The following VAC14 variants were observed in gnomAD, a reference collection of about 807,000 sequenced individuals.
VAC14 encodes the protein VAC14 component of PIKFYVE complex.
VAC14 carries 47 observed loss-of-function variants against 85.3 expected under a neutral mutation model. That is an observed-to-expected ratio of 0.55 (90% CI 0.44 to 0.70). VAC14 has a LOEUF of 0.70. Among genes scored for constraint, VAC14 ranks in the 30% least tolerant of loss-of-function variants. The probability of loss-of-function intolerance (pLI) is 0.00; values close to 1 mark genes in which losing one functional copy is unlikely to be tolerated. For synonymous variants in VAC14, 447 were observed against 430.5 expected, an observed-to-expected ratio of 1.04 and a Z score of -0.47; for missense variants, 861 against 1,004.3, an observed-to-expected ratio of 0.86 and a Z score of 1.93.
intron 18 of VAC14, chr16:70,689,661 T>G: frequency 1.0e-6 from 1 of 985,686 alleles, no homozygotes; most frequent in Non-Finnish European, 1.2e-6. Context: ...CGGCTGCGGC[T>G]GCTGCTTTTC....
intron 12 of VAC14, chr16:70,755,336 G>A (rs1005302982): frequency 4.6e-6 from 1 of 216,898 alleles, no homozygotes; most frequent in South Asian, 4.8e-5. Flanking sequence ...AGAGGGAGAA[G>A]GTGCATTTAG....
chr16:70,691,781 C>T (rs1247729967), intron 18 of VAC14: 7 of 985,306 alleles, frequency 7.1e-6, no homozygotes, highest in African/African-American at 3.5e-5. Flanking sequence ...ACTCAGCCAT[C>T]CGAGGGCCAG....
intron 10 of VAC14, chr16:70,771,228 GAAGAGAATTAT>G (rs2033195330): frequency 6.6e-6 from 1 of 152,250 alleles, no homozygotes; most frequent in East Asian, 1.9e-4. Context: ...GAGCCCCAAG[GAAGAGAATTAT>G]TTTGCTGCCT....
rs540078340 is a variant in VAC14, at chr16:70,693,033, C to T, written c.2036-62G>A. The T allele has an allele frequency of 4.5e-5, 70 of 1,557,054 alleles. 1 individual carries two copies. The highest frequency in any genetic ancestry group is 3.4e-5 in the Non-Finnish European group (39 of 1,149,924). ...ACTGCTCTGGGACACGCCCAGCCCACACTGCCTGCCTCCGACTGGCCAGGA... is the reference window on the plus strand; with the variant it reads ...ACTGCTCTGGGACACGCCCAGCCCATACTGCCTGCCTCCGACTGGCCAGGA... On this transcript the variant is annotated intron_variant, in intron 17 of 18. Coordinates refer to ENST00000261776, the MANE Select transcript of VAC14 (RefSeq NM_018052.5).
chr16:70,716,684 G>C (rs2054173739), intron 14 of VAC14: 1 of 152,266 alleles, frequency 6.6e-6, no homozygotes. Context: ...TGGAGACAGG[G>C]CCCCAAGCGG....
chr16:70,761,295 C>A (rs2032363756), intron 12 of VAC14: 3 of 336,652 alleles, frequency 8.9e-6, no homozygotes, highest in South Asian at 2.4e-5. Context: ...CCCACCCAGC[C>A]TCATCCACTC....
chr16:70,702,748 T>C (rs1403398003), intron 14 of VAC14, among the ~76,000 whole-genome samples: 4 of 152,162 alleles, frequency 2.6e-5, no homozygotes. Context: ...AAGTGGGCCC[T>C]TGAGTCAGGA....
chr16:70,730,232 C>T (rs2054550171), intron 14 of VAC14, among the ~76,000 whole-genome samples: 1 of 151,942 alleles, frequency 6.6e-6, no homozygotes, highest in South Asian at 2.1e-4. Context: ...CCAGCTGGCT[C>T]CACCTCAGCC....
intron 14 of VAC14, among the ~76,000 whole-genome samples, chr16:70,721,768 C>T (rs1024225206): frequency 1.3e-5 from 2 of 152,024 alleles, no homozygotes; most frequent in Admixed American, 6.5e-5. Context: ...TGCGGGCTGG[C>T]GGATCTGGCG....
intron 7 of VAC14, 117 bp downstream of exon 7, chr16:70,782,916 T>C: frequency 2.1e-6 from 2 of 947,746 alleles, no homozygotes; most frequent in East Asian, 2.4e-5. Context: ...CTAATATTCC[T>C]ACCAGGAATC....
At chr16:70,777,134 G>A (rs976950640) in intron 9 of VAC14, among the ~76,000 whole-genome samples, 2 of 151,810 alleles carry the variant, frequency 1.3e-5, no homozygotes, top group Admixed American at 6.6e-5. Flanking sequence ...TAGTAGAGAC[G>A]GGGTTTCACC....
At chr16:70,689,605 C>T (rs1433261579) in intron 18 of VAC14, 4 of 985,692 alleles carry the variant, frequency 4.1e-6, no homozygotes, top group East Asian at 2.3e-4. Flanking sequence ...CCCTTCCCGC[C>T]TCCCTGCTGA....
intron 14 of VAC14, among the ~76,000 whole-genome samples, chr16:70,707,465 T>TCC (rs1372945507): frequency 1.3e-5 from 2 of 152,068 alleles, no homozygotes; most frequent in East Asian, 3.9e-4. Flanking sequence ...TAGCCATCTG[T>TCC]CCCTCTGTGC....
intron 14 of VAC14, among the ~76,000 whole-genome samples, chr16:70,702,133 TTCTC>T (rs905728365): frequency 1.3e-5 from 2 of 152,206 alleles, no homozygotes; most frequent in Non-Finnish European, 2.9e-5. Flanking sequence ...GGCCAGCGCA[TTCTC>T]TCTGTTCATG....
At chr16:70,779,913 C>G (rs1354520996) in intron 9 of VAC14, among the ~76,000 whole-genome samples, 1 of 151,960 alleles carries the variant, frequency 6.6e-6, no homozygotes, top group South Asian at 2.1e-4. Flanking sequence ...TAGCTCACTG[C>G]AACTTCTGCC....
At chr16:70,710,520 A>G (rs1182704490) in intron 14 of VAC14, among the ~76,000 whole-genome samples, 5 of 152,240 alleles carry the variant, frequency 3.3e-5, no homozygotes, top group African/African-American at 9.6e-5. Context: ...TCCGGCCCCA[A>G]CAATGTCTGG....
intron 14 of VAC14, among the ~76,000 whole-genome samples, chr16:70,705,269 C>A (rs1335175476): frequency 6.6e-6 from 1 of 152,224 alleles, no homozygotes; most frequent in East Asian, 1.9e-4. Context: ...AAGGCAGCAG[C>A]AGATGATGCA....
At chr16:70,692,267 G>A (rs2053611064) in intron 18 of VAC14, among the ~76,000 whole-genome samples, 2 of 151,696 alleles carry the variant, frequency 1.3e-5, no homozygotes, top group South Asian at 4.2e-4. Flanking sequence ...CAGGACCTGA[G>A]CAGGGGAGCC....
chr16:70,712,862 G>C (rs1425471647), intron 14 of VAC14, among the ~76,000 whole-genome samples: 1 of 152,192 alleles, frequency 6.6e-6, no homozygotes, highest in Non-Finnish European at 1.5e-5. Flanking sequence ...ACTCCTTCTT[G>C]GAGAGGCTTG....
Sources: allele counts gnomAD v4.1 joint callset (sites outside exome capture counted in the v4.1 genomes callset), GRCh38; gene constraint gnomAD v4.1.1; transcripts MANE v1.5; gene names NCBI Gene and HGNC (gene_info 2026-07-23, HGNC 2026-07-21).